WWTR1: variants seen among roughly 807,000 people sequenced by gnomAD.
The protein encoded by WWTR1 is WW domain containing transcription regulator 1.
Under a neutral mutation model 40.1 loss-of-function variants are expected in WWTR1, and 13 were observed. The observed-to-expected ratio is 0.32, with a 90% CI of 0.21 to 0.52. The LOEUF (loss-of-function observed/expected upper bound fraction) is 0.52. Ranked by LOEUF, WWTR1 falls within the 20% of genes least tolerant of loss-of-function variation. WWTR1 has a pLI of 0.97. For missense variants in WWTR1, 436 were observed against 523.1 expected (o/e 0.83, Z 1.63); for synonymous variants, 230 against 210.1 (o/e 1.09, Z -0.82).
At chr3:149,561,983 C>T (rs1737101032) in intron 3 of WWTR1, among the ~76,000 whole-genome samples, 1 of 152,022 alleles carries the variant, frequency 6.6e-6, no homozygotes, top group Admixed American at 6.6e-5. Context: ...TAAAACAACT[C>T]ATCAAAAAAT....
chr3:149,527,153 C>CTT lies in WWTR1; in HGVS notation c.905+681_905+682dup, dbSNP rs755334881. Among the ~76,000 whole-genome samples, 144 of 144,450 alleles carry CTT rather than the reference C, an allele frequency of 1.0e-3. 1 individual carries two copies. The highest frequency in any genetic ancestry group is 2.9e-3 in the African/African-American group (113 of 38,466). The allele number at this position is 144,450 out of a possible 152,430, so 94.8% of individuals were successfully genotyped here. A position where few individuals can be genotyped will look rare whatever the true frequency, so the allele number is the denominator to read the frequency against. On this transcript the variant is annotated intron_variant, in intron 5 of 6. Coordinates refer to ENST00000360632, the MANE Select transcript of WWTR1 (RefSeq NM_015472.6). The stretch of plus-strand genomic sequence containing the variant: ...CCCTGAACATCATCTCTTTTCTTTT[C>CTT]TTTCTTTTTTTTTTTTTTGAGATGG...
intron 5 of WWTR1, among the ~76,000 whole-genome samples, chr3:149,714,284 C>T (rs770962607): frequency 4.6e-5 from 7 of 152,176 alleles, no homozygotes; most frequent in Admixed American, 6.5e-5. Flanking sequence ...GCAGGAGCCC[C>T]GCCCTCCTGG....
intron 2 of WWTR1, among the ~76,000 whole-genome samples, chr3:149,599,935 C>A (rs974608516): frequency 3.3e-5 from 5 of 151,822 alleles, no homozygotes; most frequent in African/African-American, 1.2e-4. Context: ...TGAAAATATT[C>A]AAAATAAATA....
At chr3:149,581,190 T>C (rs1344211714) in intron 2 of WWTR1, among the ~76,000 whole-genome samples, 2 of 152,218 alleles carry the variant, frequency 1.3e-5, no homozygotes, top group Non-Finnish European at 2.9e-5. Context: ...TTGGTTATAA[T>C]GATTCTTCCA....
chr3:149,548,459 C>T (rs1736471101), intron 3 of WWTR1, among the ~76,000 whole-genome samples: 1 of 152,168 alleles, frequency 6.6e-6, no homozygotes, highest in Non-Finnish European at 1.5e-5. Context: ...GGGCTTGCTT[C>T]CCTCATTTTT....
chr3:149,641,330 T>C (rs947770482), intron 2 of WWTR1, among the ~76,000 whole-genome samples: 5 of 152,182 alleles, frequency 3.3e-5, no homozygotes, highest in Non-Finnish European at 7.3e-5. Context: ...GCCACCAAGA[T>C]GTTTACCAGT....
At chr3:149,634,169 A>C (rs879794574) in intron 2 of WWTR1, among the ~76,000 whole-genome samples, 1 of 152,238 alleles carries the variant, frequency 6.6e-6, no homozygotes, top group African/African-American at 2.4e-5. Flanking sequence ...AAGGAGAGCC[A>C]GGGTGGCTCT....
chr3:149,540,857 C>T (rs1736062488), intron 4 of WWTR1, among the ~76,000 whole-genome samples: 1 of 152,130 alleles, frequency 6.6e-6, no homozygotes, highest in South Asian at 2.1e-4. Context: ...AAGACTATAT[C>T]TGAGAAATGA....
chr3:149,588,439 T>C (rs935987616), intron 2 of WWTR1, among the ~76,000 whole-genome samples: 1 of 152,180 alleles, frequency 6.6e-6, no homozygotes, highest in African/African-American at 2.4e-5. Context: ...GTATGCAGAA[T>C]GTATGCTTAA....
chr3:149,616,520 G>GC (rs1739981796), intron 2 of WWTR1, among the ~76,000 whole-genome samples: 1 of 150,304 alleles, frequency 6.7e-6, no homozygotes, highest in Admixed American at 6.7e-5. Flanking sequence ...TCGGCTCACC[G>GC]CAACCTCTGC....
At chr3:149,608,332 C>T (rs1739577401) in intron 2 of WWTR1, among the ~76,000 whole-genome samples, 1 of 151,952 alleles carries the variant, frequency 6.6e-6, no homozygotes, top group South Asian at 2.1e-4. Flanking sequence ...CACACACAAC[C>T]ACCATCACCA....
At chr3:149,578,986 G>A (rs1738020315) in intron 2 of WWTR1, among the ~76,000 whole-genome samples, 1 of 152,104 alleles carries the variant, frequency 6.6e-6, no homozygotes, top group Non-Finnish European at 1.5e-5. Flanking sequence ...GATGAAGGAA[G>A]CCGTATAACA....
At chr3:149,676,830 G>A (rs1450091581) in intron 1 of WWTR1, among the ~76,000 whole-genome samples, 1 of 151,876 alleles carries the variant, frequency 6.6e-6, no homozygotes, top group African/African-American at 2.4e-5. Context: ...CAGCAAAAGA[G>A]TCAGAGAAGG....
intron 3 of WWTR1, among the ~76,000 whole-genome samples, chr3:149,570,571 A>T (rs902416072): frequency 3.0e-5 from 1 of 33,704 alleles, no homozygotes; most frequent in Non-Finnish European, 6.4e-5. Context: ...CTTTCTCAAA[A>T]TAATAATAAT....
chr3:149,521,427 T>C (rs1008855726), intron 6 of WWTR1, among the ~76,000 whole-genome samples: 2 of 152,200 alleles, frequency 1.3e-5, no homozygotes, highest in Non-Finnish European at 2.9e-5. Flanking sequence ...TATTAAAAAG[T>C]TGTCTTCATT....
At chr3:149,576,555 ACT>A (rs1370199287) in intron 2 of WWTR1, among the ~76,000 whole-genome samples, 2 of 151,074 alleles carry the variant, frequency 1.3e-5, no homozygotes, top group Admixed American at 6.6e-5. Flanking sequence ...TTCAAGAAAA[ACT>A]CTCTGCTGTT....
chr3:149,628,074 GAAAA>G, intron 2 of WWTR1, among the ~76,000 whole-genome samples: 1 of 77,906 alleles, frequency 1.3e-5, no homozygotes. Flanking sequence ...ACTCCGTCTC[GAAAA>G]AAAAAAAAAA....
At chr3:149,673,867 A>C (rs935515467) in intron 1 of WWTR1, among the ~76,000 whole-genome samples, 3 of 152,076 alleles carry the variant, frequency 2.0e-5, no homozygotes, top group African/African-American at 7.2e-5. Context: ...TACCAAGGTA[A>C]GAGTCAAGAC....
upstream of WWTR1, among the ~76,000 whole-genome samples, chr3:149,704,066 C>A (rs576992106): frequency 1.3e-5 from 2 of 152,250 alleles, no homozygotes; most frequent in Admixed American, 1.3e-4. Context: ...CAGCCTTGAA[C>A]TTCTGAGCTC....
Sources: allele counts gnomAD v4.1 joint callset (sites outside exome capture counted in the v4.1 genomes callset), GRCh38; gene constraint gnomAD v4.1.1; transcripts MANE v1.5; gene names NCBI Gene and HGNC (gene_info 2026-07-23, HGNC 2026-07-21).